CACNA2D3: variants seen among roughly 807,000 people sequenced by gnomAD.
CACNA2D3 encodes voltage-dependent calcium channel subunit alpha-2/delta-3.
A neutral mutation model predicts 160.6 loss-of-function variants in CACNA2D3; 60 were observed. The ratio of observed to expected loss-of-function variants is 0.37; its 90% confidence interval spans 0.30 to 0.46. CACNA2D3 has a LOEUF of 0.46. Among genes scored for constraint, CACNA2D3 ranks in the 20% least tolerant of loss-of-function variants. CACNA2D3 has a pLI of 1.00. For synonymous variants in CACNA2D3, 558 were observed against 492.9 expected, an observed-to-expected ratio of 1.13 and a Z score of -1.75; for missense variants, 1,205 against 1,365.0, an observed-to-expected ratio of 0.88 and a Z score of 1.85.
intron 11 of CACNA2D3, among the ~76,000 whole-genome samples, chr3:54,735,996 T>TATATATATATGTATATATACAC (rs1701494252): frequency 1.4e-5 from 1 of 70,264 alleles, no homozygotes; most frequent in African/African-American, 5.7e-5. Flanking sequence ...TATATATACA[T>TATATATATATGTATATATACAC]ATATATATAT....
intron 13 of CACNA2D3, among the ~76,000 whole-genome samples, chr3:54,811,465 CTTTTTTTTTTTTTTTTTTTTTTTTTTTTT>C (rs71096451): frequency 1.1e-4 from 12 of 111,558 alleles, no homozygotes; most frequent in South Asian, 3.4e-4. Flanking sequence ...TCCCTCAGTT[CTTTTTTTTTTTTTTTTTTTTTTTTTTTTT>C]TTTTTTTTTT....
At chr3:54,996,039 G>A (rs1023329450) in intron 31 of CACNA2D3, among the ~76,000 whole-genome samples, 1 of 152,212 alleles carries the variant, frequency 6.6e-6, no homozygotes, top group Non-Finnish European at 1.5e-5. Flanking sequence ...AATAACACCT[G>A]TTGGGTTTTA....
intron 11 of CACNA2D3, among the ~76,000 whole-genome samples, chr3:54,738,143 A>G (rs1348014037): frequency 1.3e-5 from 2 of 152,222 alleles, no homozygotes; most frequent in African/African-American, 2.4e-5. Context: ...AAGGTTCCAA[A>G]TAAGTCATTT....
chr3:54,938,315 G>A (rs1175704076), intron 27 of CACNA2D3, among the ~76,000 whole-genome samples: 2 of 152,226 alleles, frequency 1.3e-5, no homozygotes, highest in African/African-American at 4.8e-5. Context: ...GCAAATGAGT[G>A]TTTACGTCCT....
intron 16 of CACNA2D3, among the ~76,000 whole-genome samples, chr3:54,839,228 A>C (rs569109648): frequency 6.6e-6 from 1 of 152,322 alleles, no homozygotes; most frequent in African/African-American, 2.4e-5. Flanking sequence ...ACTGCACTGC[A>C]GCCTGGGCGA....
At chr3:54,808,254 A>C (rs561643320) in intron 13 of CACNA2D3, among the ~76,000 whole-genome samples, 37 of 152,200 alleles carry the variant, frequency 2.4e-4, no homozygotes, top group Non-Finnish European at 5.3e-4. Flanking sequence ...AGTTCACTCC[A>C]GATGCCCCAA....
At position 54,733,581 on chromosome 3, in the gene CACNA2D3, C is replaced by T. The variant is rs137942820; in HGVS notation, c.1168-19018C>T. Among the ~76,000 whole-genome samples, 871 of 152,216 alleles carry T rather than the reference C, an allele frequency of 5.7e-3. 15 individuals are homozygous for T. Among genetic ancestry groups the T allele is most frequent in the African/African-American group, 0.02 (825 of 41,524 alleles). On this transcript the variant is annotated intron_variant, in intron 11 of 37. Transcript: ENST00000474759. ...GGATGAAGGTTAACATTAGGCCTCC[C>T]GGGCCCTTTCACATTCATTTACAGA...
At chr3:54,328,533 C>T (rs187846739) in intron 3 of CACNA2D3, among the ~76,000 whole-genome samples, 4 of 152,282 alleles carry the variant, frequency 2.6e-5, no homozygotes, top group Admixed American at 6.5e-5. Flanking sequence ...CTGCCCACCT[C>T]GGCCTCCCAA....
At chr3:54,297,333 C>CTTAAG (rs1703363615) in intron 2 of CACNA2D3, among the ~76,000 whole-genome samples, 1 of 152,146 alleles carries the variant, frequency 6.6e-6, no homozygotes, top group Non-Finnish European at 1.5e-5. Flanking sequence ...AAGCCTAGGG[C>CTTAAG]TGCTGCAGCT....
chr3:55,034,220 G>A (rs889294064), intron 35 of CACNA2D3, among the ~76,000 whole-genome samples: 1 of 151,918 alleles, frequency 6.6e-6, no homozygotes, highest in African/African-American at 2.4e-5. Context: ...GGTGTGTTAT[G>A]AAATGTTCTG....
At chr3:54,262,408 A>C (rs941151801) in intron 2 of CACNA2D3, among the ~76,000 whole-genome samples, 9 of 152,204 alleles carry the variant, frequency 5.9e-5, no homozygotes, top group Admixed American at 3.9e-4. Context: ...TGGACCCACA[A>C]GAGGGAAGCT....
chr3:54,909,419 T>G (rs1452289956), intron 27 of CACNA2D3, among the ~76,000 whole-genome samples: 1 of 152,012 alleles, frequency 6.6e-6, no homozygotes, highest in Non-Finnish European at 1.5e-5. Flanking sequence ...TTGATCTCAG[T>G]TAAGACTAGA....
rs1703109590 is a variant in CACNA2D3 at position 54,603,796 on chromosome 3, G to A, written c.963+21919G>A. Among the ~76,000 whole-genome samples, 3 of 152,248 alleles carry A rather than the reference G, an allele frequency of 2.0e-5. No individual in the cohort carries two copies. The South Asian group carries it at 6.2e-4, about 32-fold the overall frequency. On this transcript the variant is annotated intron_variant, in intron 9 of 37. Transcript: ENST00000474759. ...ATAGCAAGAGAATTATAAGTTGCAT[G>A]TAGTTCATTGTGACAAAGAACCAAC...
intron 4 of CACNA2D3, among the ~76,000 whole-genome samples, chr3:54,425,674 T>G (rs1699902208): frequency 1.3e-5 from 2 of 152,148 alleles, no homozygotes; most frequent in African/African-American, 2.4e-5. Flanking sequence ...AACTCACCTC[T>G]CTCTCATGAT....
At chr3:54,925,017 G>A in intron 27 of CACNA2D3, 1 of 1,614,168 alleles carries the variant, frequency 6.2e-7, no homozygotes, top group African/African-American at 1.3e-5. Flanking sequence ...TGACCTAAAT[G>A]CAAAAGCAGG....
intron 4 of CACNA2D3, among the ~76,000 whole-genome samples, chr3:54,472,334 T>TA (rs1700748620): frequency 6.6e-6 from 1 of 152,158 alleles, no homozygotes; most frequent in Non-Finnish European, 1.5e-5. Flanking sequence ...AGGCCTTCGA[T>TA]AAAATTCAAC....
chr3:54,401,585 A>C lies in CACNA2D3; in HGVS notation c.381+14811A>C, dbSNP rs920068605. On this transcript the variant is annotated intron_variant, in intron 4 of 37. Transcript: ENST00000474759. The stretch of plus-strand genomic sequence containing the variant: ...AGAGAAACGTTGCAAGCCAGGAGAG[A>C]AAGGGATGAAAATTTTAAAGTACTG... Among the ~76,000 whole-genome samples the C allele has an allele frequency of 9.2e-5, 14 of 152,208 alleles. No individual in the cohort carries two copies. In the South Asian group the frequency reaches 2.9e-3, roughly 32 times the overall value.
intron 9 of CACNA2D3, among the ~76,000 whole-genome samples, chr3:54,603,042 T>C (rs1159714718): frequency 6.6e-6 from 1 of 152,188 alleles, no homozygotes; most frequent in African/African-American, 2.4e-5. Flanking sequence ...GTGGTCCCTC[T>C]CTGTTCGGTG....
chr3:54,490,208 G>A (rs1039959937), intron 4 of CACNA2D3, among the ~76,000 whole-genome samples: 2 of 152,242 alleles, frequency 1.3e-5, no homozygotes, highest in African/African-American at 4.8e-5. Context: ...GCACTGTGTG[G>A]TGACTTGTGT....
Sources: gnomAD v4.1 joint callset for allele counts (sites outside exome capture counted in the v4.1 genomes callset) on GRCh38, gnomAD v4.1.1 for gene constraint, MANE v1.5 for transcripts, NCBI Gene and HGNC (gene_info 2026-07-23, HGNC 2026-07-21) for gene names.